The following TOP2B variants were observed in gnomAD, a reference collection of about 807,000 sequenced individuals.
TOP2B encodes the protein DNA topoisomerase II beta.
In TOP2B, 51 loss-of-function variants were observed where a neutral mutation model predicts 193.5. That is an observed-to-expected ratio of 0.26 (90% CI 0.21 to 0.33). TOP2B has a LOEUF of 0.33. Ranked by LOEUF, TOP2B falls within the 10% of genes least tolerant of loss-of-function variation. The pLI, the probability that TOP2B is intolerant of heterozygous loss-of-function variation, is 1.00. For missense variants in TOP2B, 1,378 were observed against 1,909.3 expected (o/e 0.72, Z 5.19); for synonymous variants, 634 against 635.7 (o/e 1.00, Z 0.04).
intron 1 of TOP2B, among the ~76,000 whole-genome samples, chr3:25,660,280 G>A (rs1038667820): frequency 1.9e-4 from 29 of 152,170 alleles, no homozygotes; most frequent in African/African-American, 5.8e-4. Context: ...ACTGGATTAC[G>A]TATCCAGTTC....
chr3:25,638,353 G>T, intron 4 of TOP2B, 43 bp from the exon 5 acceptor site: 2 of 725,020 alleles, frequency 2.8e-6, no homozygotes, highest in Non-Finnish European at 1.9e-6. Context: ...AAAAAAAAAA[G>T]CAGAATTTAG....
rs1187780782 is a variant in TOP2B, at chr3:25,602,412, AAAAG to A, written c.4490-1191_4490-1188del. 1.4e-4 allele frequency among the ~76,000 whole-genome samples: 17 copies of A among 117,614 alleles called. 1 individual carries two copies. The South Asian group carries it at 2.7e-3, about 19-fold the overall frequency. 77.2% of individuals were successfully genotyped at this position (117,614 alleles called of 152,430 possible). A position where few individuals can be genotyped will look rare whatever the true frequency, so the allele number is the denominator to read the frequency against. ...ACTCTGTCTCAAAAAAAAAAAAAGA[AAAAG>A]AAAAAAAAAAAACTGATAAATCACT... is the stretch of plus-strand genomic sequence containing the variant. On this transcript the variant is annotated intron_variant, in intron 33 of 35. Transcript: ENST00000264331.
chr3:25,624,863 G>A, intron 18 of TOP2B, 60 bp from the exon 19 acceptor site: 4 of 1,509,116 alleles, frequency 2.7e-6, no homozygotes, highest in East Asian at 2.3e-5. Context: ...ACAATTCAGG[G>A]GAATAAAGCA....
intron 10 of TOP2B, among the ~76,000 whole-genome samples, chr3:25,631,267 A>G (rs1575575901): frequency 6.6e-6 from 1 of 152,112 alleles, no homozygotes; most frequent in African/African-American, 2.4e-5. Flanking sequence ...CCACACATGA[A>G]CCTACTAGCC....
chr3:25,648,383 C>T lies in TOP2B; in HGVS notation c.70-2913G>A, dbSNP rs1321525299. Among the ~76,000 whole-genome samples the T allele has an allele frequency of 3.3e-5, 5 of 152,110 alleles. No individual in the cohort carries two copies. In the East Asian group the frequency reaches 9.6e-4, roughly 29 times the overall value. On this transcript the variant is annotated intron_variant, in intron 1 of 35. Coordinates refer to ENST00000264331, the MANE Select transcript of TOP2B (RefSeq NM_001330700.2). ...AATTACAAACCCAAAGAGGATGCATCCCCATAAAAGATTTGTGAGGTCTCA... is the reference window on the plus strand; with the variant it reads ...AATTACAAACCCAAAGAGGATGCATTCCCATAAAAGATTTGTGAGGTCTCA...
At chr3:25,607,030 T>C (rs1702252313) in intron 31 of TOP2B, 141 bp downstream of exon 31, 1 of 1,245,274 alleles carries the variant, frequency 8.0e-7, no homozygotes, top group South Asian at 1.7e-5. Context: ...TGGGAACAGC[T>C]GCAATATTAA....
rs1378840878 is a variant in TOP2B, at chr3:25,598,164, T to C, written c.*143A>G. The C allele has an allele frequency of 4.9e-6, 4 of 815,376 alleles. No homozygotes were observed. The highest frequency in any genetic ancestry group is 7.4e-6 in the Non-Finnish European group (4 of 537,144). The allele number at this position is 815,376 out of a possible 1,614,324, so 50.5% of individuals were successfully genotyped here. On this transcript the variant is annotated 3_prime_UTR_variant, in exon 36 of 36. Coordinates refer to ENST00000264331, the MANE Select transcript of TOP2B (RefSeq NM_001330700.2). ...TAAAACTGTATGTGTAAGAACAAAA[T>C]GTTAAAAGGCCTACCACAATAATAA...
At chr3:25,653,352 T>G (rs1703649608) in intron 1 of TOP2B, among the ~76,000 whole-genome samples, 1 of 151,546 alleles carries the variant, frequency 6.6e-6, no homozygotes, top group South Asian at 2.1e-4. Flanking sequence ...TGATAAAGAC[T>G]GATGCAAAAA....
intron 1 of TOP2B, among the ~76,000 whole-genome samples, chr3:25,654,822 G>A (rs755341017): frequency 1.3e-5 from 2 of 152,158 alleles, no homozygotes; most frequent in Non-Finnish European, 2.9e-5. Context: ...GTGGGGAAAG[G>A]ACAGTCTCTT....
rs1055323794 is a variant in TOP2B at position 25,664,543 on chromosome 3, T to TG, written c.-247dup. 213 of 1,123,062 alleles carry TG rather than the reference T, an allele frequency of 1.9e-4. No individual in the cohort carries two copies. Among genetic ancestry groups the TG allele is most frequent in the Non-Finnish European group, 2.3e-4 (211 of 919,648 alleles). 69.6% of individuals were successfully genotyped at this position (1,123,062 alleles called of 1,614,324 possible). On this transcript the variant is annotated 5_prime_UTR_variant, in exon 1 of 36. Coordinates refer to ENST00000264331, the MANE Select transcript of TOP2B (RefSeq NM_001330700.2). ...CGTCGCCCGGGCCTAGCGCGGCGGC[T>TG]GAGGAGAAAGCAGGGAGCGACCGGC...
At chr3:25,610,087 G>A (rs1334385357) in intron 28 of TOP2B, among the ~76,000 whole-genome samples, 5 of 151,958 alleles carry the variant, frequency 3.3e-5, no homozygotes, top group Non-Finnish European at 5.9e-5. Flanking sequence ...TGTAACCCCA[G>A]CTACTCAGGA....
intron 33 of TOP2B, among the ~76,000 whole-genome samples, chr3:25,601,931 G>A (rs1702105348): frequency 1.3e-5 from 2 of 152,094 alleles, no homozygotes; most frequent in South Asian, 4.1e-4. Context: ...CGAATACAAT[G>A]AATAGAAACC....
rs61756344 is a variant in TOP2B at position 25,645,330 on chromosome 3, T to C, written c.210A>G (p.Thr70=). The C allele has an allele frequency of 4.4e-6, 7 of 1,608,506 alleles. No homozygotes were observed. The highest frequency in any genetic ancestry group is 1.7e-4 in the Middle Eastern group (1 of 6,028). ...TCAATGGCTCCACTGACCCAATATA[T>C]GTATCAGGACGAAGAAGAATGTGTT... ...QLEHILLRPD[T]YIGSVEPLTQ... Residue 70 remains threonine (T), a synonymous_variant, in exon 2 of 36, where the codon ACA becomes ACG. Coordinates refer to ENST00000264331, the MANE Select transcript of TOP2B (RefSeq NM_001330700.2).
Position 25,640,753 on chromosome 3 carries a change from T to C in TOP2B, c.395+1569A>G, listed in dbSNP as rs575610685. Among the ~76,000 whole-genome samples, 13 of 83,286 alleles carry C rather than the reference T, an allele frequency of 1.6e-4. No individual in the cohort carries two copies. In the South Asian group the frequency reaches 5.0e-3, roughly 32 times the overall value. 54.6% of individuals were successfully genotyped at this position (83,286 alleles called of 152,430 possible). The stretch of plus-strand genomic sequence containing the variant: ...TCTTATAGCTCACTTCTTCGTTGTC[T>C]TTTTTTTTTTTTTTTTTTTTTTGAG... On this transcript the variant is annotated intron_variant, in intron 4 of 35. Transcript: ENST00000264331.
chr3:25,656,434 CA>C (rs1476064916), intron 1 of TOP2B, among the ~76,000 whole-genome samples: 3 of 151,660 alleles, frequency 2.0e-5, no homozygotes, highest in Non-Finnish European at 4.4e-5. Flanking sequence ...GCCTCCATCA[CA>C]AAAATAAATA....
intron 18 of TOP2B, 80 bp downstream of exon 18, chr3:25,626,480 A>G (rs2125372804): frequency 4.0e-6 from 3 of 758,598 alleles, no homozygotes; most frequent in South Asian, 4.2e-5. Flanking sequence ...TTTAATATGT[A>G]TCATAAGGAT....
Position 25,664,355 on chromosome 3 carries a change from C to T in TOP2B, c.-58G>A. 7.1e-7 allele frequency: 1 copy of T among 1,400,324 alleles called. No homozygotes were observed. The highest frequency in any genetic ancestry group is 9.2e-7 in the Non-Finnish European group (1 of 1,088,212). 86.7% of individuals were successfully genotyped at this position (1,400,324 alleles called of 1,614,324 possible). A position where few individuals can be genotyped will look rare whatever the true frequency, so the allele number is the denominator to read the frequency against. On this transcript the variant is annotated 5_prime_UTR_variant, in exon 1 of 36. Coordinates refer to ENST00000264331, the MANE Select transcript of TOP2B (RefSeq NM_001330700.2). ...CGCAGCCGCCGCTCCCGCCTCCCTG[C>T]GGGCCGCTGGGCCCCGCCGCTCCGC...
rs368895676 is a variant in TOP2B at position 25,629,029 on chromosome 3, G to A, written c.1800+6C>T. ...CAATATAAAAATATATTAATGCAAA[G>A]AGTACCTTTACAATAGGAGTAATGA... is the stretch of plus-strand genomic sequence containing the variant. On this transcript the variant is annotated splice_donor_region_variant and intron_variant, in intron 14 of 35. Transcript: ENST00000264331. The A allele has an allele frequency of 1.3e-5, 20 of 1,583,168 alleles. No homozygotes were observed. The highest frequency in any genetic ancestry group is 1.6e-5 in the Non-Finnish European group (19 of 1,164,530).
At chr3:25,630,702 G>A in intron 11 of TOP2B, 99 bp downstream of exon 11, 3 of 1,161,208 alleles carry the variant, frequency 2.6e-6, no homozygotes, top group Non-Finnish European at 3.5e-6. Flanking sequence ...ACTCTGAATG[G>A]AAAATCATAG....
Sources: allele counts gnomAD v4.1 joint callset (sites outside exome capture counted in the v4.1 genomes callset), GRCh38; gene constraint gnomAD v4.1.1; transcripts MANE v1.5; gene names NCBI Gene and HGNC (gene_info 2026-07-23, HGNC 2026-07-21).